SV2A: variants seen among roughly 807,000 people sequenced by gnomAD.
SV2A encodes the protein solute carrier family 22 member B1.
In SV2A, 25 loss-of-function variants were observed where a neutral mutation model predicts 78.0. The observed-to-expected ratio is 0.32, with a 90% CI of 0.23 to 0.45. The LOEUF (loss-of-function observed/expected upper bound fraction) is 0.45. Ranked by LOEUF, SV2A falls within the 20% of genes least tolerant of loss-of-function variation. The probability of loss-of-function intolerance (pLI) is 1.00; values close to 1 mark genes in which losing one functional copy is unlikely to be tolerated. For missense variants in SV2A, 752 were observed against 971.5 expected, an observed-to-expected ratio of 0.77 and a Z score of 3.00; for synonymous variants, 355 against 384.7, an observed-to-expected ratio of 0.92 and a Z score of 0.90.
At chr1:149,912,783 T>G (rs1249895168) in intron 2 of SV2A, among the ~76,000 whole-genome samples, 2 of 102,672 alleles carry the variant, frequency 1.9e-5, no homozygotes, top group African/African-American at 3.4e-5. Flanking sequence ...TCCAGGACCC[T>G]CCCCCCCTCC....
chr1:149,905,797 G>T lies in SV2A; in HGVS notation c.2045+83C>A, dbSNP rs587735268. 18 of 1,554,738 alleles carry T rather than the reference G, an allele frequency of 1.2e-5. 1 individual carries two copies. Among genetic ancestry groups the T allele is most frequent in the Middle Eastern group, 3.9e-4 (2 of 5,182 alleles). On this transcript the variant is annotated intron_variant, in intron 12 of 12. Transcript: ENST00000369146. Reference sequence around the variant, plus strand: ...GAAATGTATATCCTCTCACCCCTAAGGATGCTCTTCCCATTCAGCCCTCCT... The same window carrying T: ...GAAATGTATATCCTCTCACCCCTAATGATGCTCTTCCCATTCAGCCCTCCT...
chr1:149,907,845 G>C lies in SV2A; in HGVS notation c.1545-12C>G, dbSNP rs782809608. 5 of 1,612,668 alleles carry C rather than the reference G, an allele frequency of 3.1e-6. No homozygotes were observed. The African/African-American group carries it at 4.0e-5, about 13-fold the overall frequency. On this transcript the variant is annotated splice_polypyrimidine_tract_variant and intron_variant, in intron 9 of 12. Coordinates refer to ENST00000369146, the MANE Select transcript of SV2A (RefSeq NM_014849.5). ...GCAGCCCAATGAACCTGTAAGGCCA[G>C]GATGGTGAAAGACACTCCCCCGTCA...
chr1:149,909,110 G>GC, intron 8 of SV2A, 82 bp downstream of exon 8: 1 of 1,369,574 alleles, frequency 7.3e-7, no homozygotes, highest in Non-Finnish European at 1.0e-6. Context: ...CTTGTCCCCT[G>GC]CATCTCCATT....
chr1:149,911,532 G>A (rs1381428284), intron 3 of SV2A, among the ~76,000 whole-genome samples: 2 of 152,202 alleles, frequency 1.3e-5, no homozygotes, highest in Non-Finnish European at 2.9e-5. Flanking sequence ...AGGCCTCTTT[G>A]TGGAGGCAGG....
At position 149,905,523 on chromosome 1, in the gene SV2A, G is replaced by A. The variant is rs587660125; in HGVS notation, c.2046-326C>T. 134 of 291,628 alleles carry A rather than the reference G, an allele frequency of 4.6e-4. 2 individuals are homozygous for A. The South Asian group carries it at 7.1e-3, about 16-fold the overall frequency. The allele number at this position is 291,628 out of a possible 1,614,324, so 18.1% of individuals were successfully genotyped here. On this transcript the variant is annotated intron_variant, in intron 12 of 12. Coordinates refer to ENST00000369146, the MANE Select transcript of SV2A (RefSeq NM_014849.5). The stretch of plus-strand genomic sequence containing the variant: ...GGCTGGAGTGCAGTGGTGCGATCTC[G>A]GCTCACTGAAAGCTCCACCTCCCGG...
intron 1 of SV2A, among the ~76,000 whole-genome samples, chr1:149,915,786 T>C (rs1293588777): frequency 3.9e-5 from 6 of 152,098 alleles, no homozygotes; most frequent in African/African-American, 1.4e-4. Context: ...GATAGCCCCC[T>C]TCCTTCATAG....
rs1192640040 is a variant in SV2A at position 149,911,744 on chromosome 1, C to A, written c.803+56G>T. ...GGCACTGTGCTGGGCCCTAAAGATACAACAGTGACCAAGGCACAGTCCTGC... is the reference window on the plus strand; with the variant it reads ...GGCACTGTGCTGGGCCCTAAAGATAAAACAGTGACCAAGGCACAGTCCTGC... On this transcript the variant is annotated intron_variant, in intron 3 of 12. Transcript: ENST00000369146. The A allele has an allele frequency of 1.2e-5, 18 of 1,559,296 alleles. No individual in the cohort carries two copies. The Admixed American group carries it at 3.1e-4, about 27-fold the overall frequency.
chr1:149,905,892 G>C lies in SV2A; in HGVS notation c.2033C>G (p.Pro678Arg). ...ALDVLTVELY[P>R]SDKRTTAFGF... ...ACATTCCAACTACCTCTTGTCTGAG[G>C]GGTAGAGTTCAACAGTCAACACGTC... Residue 678 changes from proline (P) to arginine (R), a missense_variant, in exon 12 of 13, where the codon CCC becomes CGC. Coordinates refer to ENST00000369146, the MANE Select transcript of SV2A (RefSeq NM_014849.5). 2 of 1,614,070 alleles carry C rather than the reference G, an allele frequency of 1.2e-6. No individual in the cohort carries two copies. Among genetic ancestry groups the C allele is most frequent in the Non-Finnish European group, 1.7e-6 (2 of 1,180,006 alleles).
intron 10 of SV2A, among the ~76,000 whole-genome samples, chr1:149,907,257 G>A (rs2092444448): frequency 6.6e-6 from 1 of 152,126 alleles, no homozygotes; most frequent in Non-Finnish European, 1.5e-5. Context: ...AGTATGAGGT[G>A]GGAAATTTCA....
chr1:149,914,658 T>C (rs1174794102), intron 1 of SV2A, among the ~76,000 whole-genome samples: 4 of 152,168 alleles, frequency 2.6e-5, no homozygotes, highest in African/African-American at 7.2e-5. Context: ...TCAGGTCCCA[T>C]GTTTACAGGC....
rs1278507022 is a variant in SV2A at position 149,910,596 on chromosome 1, G to A, written c.1063C>T (p.Pro355Ser). ...TCTAGGAAGAAACGGGGGCTCTCAG[G>A]CTGCGTGGTCAGAGCCCCAATGGCA... ...VFAIGALTTQPESPRFFLENG... is the reference protein window; with the variant it reads ...VFAIGALTTQSESPRFFLENG... Residue 355 changes from proline to serine, a missense_variant, in exon 5 of 13, where the codon CCT (proline) becomes TCT (serine). By Grantham distance (74) the Pro-to-Ser change is moderately conservative. Coordinates refer to ENST00000369146, the MANE Select transcript of SV2A (RefSeq NM_014849.5). The surrounding 1 kb of genome is among the most constrained non-coding windows in gnomAD (Gnocchi z 4.2). 6.2e-6 allele frequency: 10 copies of A among 1,611,606 alleles called. No individual in the cohort carries two copies. In the African/African-American group the frequency reaches 1.1e-4, roughly 17 times the overall value.
intron 2 of SV2A, among the ~76,000 whole-genome samples, chr1:149,912,671 C>A (rs2092482606): frequency 6.6e-6 from 1 of 152,092 alleles, no homozygotes; most frequent in Non-Finnish European, 1.5e-5. Flanking sequence ...CGGGGTTCCT[C>A]CTCAGAGTCC....
At chr1:149,905,856 C>T (rs189098692) in intron 12 of SV2A, 24 bp downstream of exon 12, 21 of 1,612,506 alleles carry the variant, frequency 1.3e-5, no homozygotes, top group Non-Finnish European at 1.7e-5. Context: ...ATCCACTGCC[C>T]TGCCTCCAAC....
intron 2 of SV2A, among the ~76,000 whole-genome samples, chr1:149,912,635 G>A (rs1470100513): frequency 6.6e-6 from 1 of 152,070 alleles, no homozygotes; most frequent in Non-Finnish European, 1.5e-5. Context: ...GCAGAGTAAG[G>A]CCTCGATTCT....
intron 2 of SV2A, among the ~76,000 whole-genome samples, chr1:149,912,788 C>A (rs1045991416): frequency 1.3e-5 from 2 of 151,326 alleles, no homozygotes; most frequent in Non-Finnish European, 1.5e-5. Context: ...GACCCTCCCC[C>A]CCTCCCCCAA....
Position 149,904,791 on chromosome 1 carries a change from G to A in SV2A, c.*223C>T. ...CAAAGTCAAGGGCAGTGGGAAATGG[G>A]GAGTACAGCTTCATCTCAAAACTGG... On this transcript the variant is annotated 3_prime_UTR_variant, in exon 13 of 13. Transcript: ENST00000369146. The A allele has an allele frequency of 2.0e-6, 1 of 509,232 alleles. No homozygotes were observed. Among genetic ancestry groups the A allele is most frequent in the Non-Finnish European group, 3.5e-6 (1 of 287,150 alleles). 31.5% of individuals were successfully genotyped at this position (509,232 alleles called of 1,614,324 possible). A position where few individuals can be genotyped will look rare whatever the true frequency, so the allele number is the denominator to read the frequency against.
At position 149,904,275 on chromosome 1, in the gene SV2A, C is replaced by A. The variant is rs144780441; in HGVS notation, c.*739G>T. On this transcript the variant is annotated 3_prime_UTR_variant, in exon 13 of 13. Coordinates refer to ENST00000369146, the MANE Select transcript of SV2A (RefSeq NM_014849.5). The stretch of plus-strand genomic sequence containing the variant: ...TGGGAGGCAGGGTTGTGTGTGCATC[C>A]GCTGAAATTACCCTTGGCTTATATT... 5.7e-3 allele frequency: 872 copies of A among 152,782 alleles called. 3 individuals carry two copies. Among genetic ancestry groups the A allele is most frequent in the Middle Eastern group, 0.02 (6 of 294 alleles). The allele number at this position is 152,782 out of a possible 1,614,324, so 9.5% of individuals were successfully genotyped here.
At chr1:149,908,879 C>T (rs1379442493) in intron 8 of SV2A, among the ~76,000 whole-genome samples, 6 of 152,110 alleles carry the variant, frequency 3.9e-5, no homozygotes, top group Admixed American at 1.3e-4. Context: ...ATGATCCGCC[C>T]GCCTCGTCCT....
intron 8 of SV2A, among the ~76,000 whole-genome samples, chr1:149,908,731 G>A (rs587720895): frequency 5.4e-4 from 82 of 152,158 alleles, no homozygotes; most frequent in Non-Finnish European, 7.8e-4. Flanking sequence ...TCTGCCTCCC[G>A]GATTCACACC....
Sources: allele counts gnomAD v4.1 joint callset (sites outside exome capture counted in the v4.1 genomes callset), GRCh38; gene constraint gnomAD v4.1.1; non-coding constraint Gnocchi (gnomAD v3.1); transcripts MANE v1.5; gene names NCBI Gene and HGNC (gene_info 2026-07-23, HGNC 2026-07-21).